TNR: variants seen among roughly 807,000 people sequenced by gnomAD.
The protein encoded by TNR is tenascin R, also known as tenascin-R.
In TNR, 45 loss-of-function variants were observed where a neutral mutation model predicts 150.4. The observed-to-expected ratio is 0.30, with a 90% CI of 0.24 to 0.38. The LOEUF (loss-of-function observed/expected upper bound fraction) is 0.38, where lower values mean the gene tolerates loss of function less well. Ranked by LOEUF, TNR falls within the 10% of genes least tolerant of loss-of-function variation. The pLI, the probability that TNR is intolerant of heterozygous loss-of-function variation, is 1.00. For missense variants in TNR, 1,544 were observed against 1,759.1 expected, an observed-to-expected ratio of 0.88 and a Z score of 2.19; for synonymous variants, 687 against 678.4, an observed-to-expected ratio of 1.01 and a Z score of -0.20.
chr1:175,483,919 G>T (rs919974243), intron 2 of TNR, among the ~76,000 whole-genome samples: 2 of 152,144 alleles, frequency 1.3e-5, no homozygotes, highest in African/African-American at 4.8e-5. Flanking sequence ...ACTGTCTTGG[G>T]ACTCTTCTGC....
intron 20 of TNR, chr1:175,333,530 A>G (rs1408665006): frequency 6.6e-6 from 1 of 152,216 alleles, no homozygotes. Context: ...TTTATTGTCT[A>G]TATCAGCAAA....
intron 1 of TNR, among the ~76,000 whole-genome samples, chr1:175,678,422 C>G (rs1665931394): frequency 6.6e-6 from 1 of 152,208 alleles, no homozygotes; most frequent in Non-Finnish European, 1.5e-5. Flanking sequence ...AAAACCACCA[C>G]TTTATCTCAT....
At chr1:175,439,226 C>A (rs1449430768) in intron 2 of TNR, among the ~76,000 whole-genome samples, 1 of 151,650 alleles carries the variant, frequency 6.6e-6, no homozygotes, top group Non-Finnish European at 1.5e-5. Context: ...TGCCGCATAT[C>A]TACAACTATC....
chr1:175,506,783 G>A (rs768847889), intron 2 of TNR, among the ~76,000 whole-genome samples: 1 of 152,226 alleles, frequency 6.6e-6, no homozygotes, highest in Non-Finnish European at 1.5e-5. Flanking sequence ...CAACAATGAG[G>A]CAGGGAATAG....
intron 1 of TNR, among the ~76,000 whole-genome samples, chr1:175,701,999 T>A (rs1168044004): frequency 1.3e-5 from 2 of 152,230 alleles, no homozygotes; most frequent in Admixed American, 1.3e-4. Flanking sequence ...TGTAACACAA[T>A]AGATGCTGAA....
Position 175,379,726 on chromosome 1 carries a change from G to C in TNR, c.1789C>G (p.Pro597Ala), listed in dbSNP as rs560304594. The change falls in exon 9 of 23, where the codon CCC (proline) becomes GCC (alanine). Residue 597 changes from proline to alanine, a missense_variant. Coordinates refer to ENST00000367674, the MANE Select transcript of TNR (RefSeq NM_003285.3). ...TTQFTTEIDAPKNLRVGSRTA... is the reference protein window; with the variant it reads ...TTQFTTEIDAAKNLRVGSRTA... ...CGAGAACCAACTCGCAAGTTCTTGG[G>C]GGCATCGATCTCTAAAAATAGACAG... 1.9e-6 allele frequency: 3 copies of C among 1,613,972 alleles called. No homozygotes were observed. Among genetic ancestry groups the C allele is most frequent in the African/African-American group, 2.7e-5 (2 of 74,896 alleles).
chr1:175,343,987 G>A (rs142659332), intron 18 of TNR, among the ~76,000 whole-genome samples: 18 of 152,306 alleles, frequency 1.2e-4, no homozygotes, highest in Non-Finnish European at 2.5e-4. Flanking sequence ...AAGTAACACA[G>A]GAATGAAACG....
rs947473021 is a variant in TNR, at chr1:175,420,019, C to T, written c.-63-13242G>A. ...GTGGTGTGGAGGAGAGTCAGGCCCT[C>T]GCTGCCTCCCTGGGAGGCTGCCTCG... On this transcript the variant is annotated intron_variant, in intron 2 of 22. Coordinates refer to ENST00000367674, the MANE Select transcript of TNR (RefSeq NM_003285.3). Among the ~76,000 whole-genome samples the T allele has an allele frequency of 3.3e-5, 5 of 152,316 alleles. No homozygotes were observed. The East Asian group carries it at 7.7e-4, about 24-fold the overall frequency.
intron 2 of TNR, among the ~76,000 whole-genome samples, chr1:175,410,850 A>G (rs1327272935): frequency 6.6e-6 from 1 of 152,218 alleles, no homozygotes; most frequent in Non-Finnish European, 1.5e-5. Context: ...AGAACATGTC[A>G]TGTGAGAAAT....
Position 175,708,732 on chromosome 1 carries a change from C to T in TNR, c.-165+34494G>A, listed in dbSNP as rs148279483. Among the ~76,000 whole-genome samples the T allele has an allele frequency of 2.1e-3, 320 of 152,266 alleles. 2 individuals carry two copies. The highest frequency in any genetic ancestry group is 7.3e-3 in the African/African-American group (304 of 41,550). On this transcript the variant is annotated intron_variant, in intron 1 of 22. Coordinates refer to ENST00000367674, the MANE Select transcript of TNR (RefSeq NM_003285.3). The stretch of plus-strand genomic sequence containing the variant: ...GTGAGATGATACAGGGAACACACTT[C>T]GGGCCTTAAGAAGGAAATCTTACAG...
intron 1 of TNR, among the ~76,000 whole-genome samples, chr1:175,700,850 T>G (rs1339648945): frequency 6.6e-6 from 1 of 152,236 alleles, no homozygotes; most frequent in Non-Finnish European, 1.5e-5. Flanking sequence ...TCCTGCATTT[T>G]CTACTCATTG....
intron 18 of TNR, among the ~76,000 whole-genome samples, chr1:175,352,146 G>A (rs1196203820): frequency 6.6e-6 from 1 of 152,212 alleles, no homozygotes; most frequent in Non-Finnish European, 1.5e-5. Context: ...GCATCTAAGA[G>A]AGGGCAGTGA....
intron 1 of TNR, among the ~76,000 whole-genome samples, chr1:175,735,973 A>C (rs539206722): frequency 6.6e-6 from 1 of 152,356 alleles, no homozygotes; most frequent in East Asian, 1.9e-4. Context: ...AATAGCCAAC[A>C]CATGCTTCTA....
intron 1 of TNR, among the ~76,000 whole-genome samples, chr1:175,558,923 T>C (rs969836962): frequency 1.3e-5 from 2 of 152,160 alleles, no homozygotes; most frequent in African/African-American, 4.8e-5. Context: ...GCAAACTGTA[T>C]AATAATGATG....
At chr1:175,700,679 G>A (rs80123086) in intron 1 of TNR, among the ~76,000 whole-genome samples, 8,308 of 152,230 alleles carry the variant, frequency 0.055, 313 homozygotes, top group East Asian at 0.17. Flanking sequence ...GAGGATGAGG[G>A]CACAGTGTTC....
intron 1 of TNR, among the ~76,000 whole-genome samples, chr1:175,592,927 T>C (rs1445299369): frequency 6.6e-6 from 1 of 152,256 alleles, no homozygotes. Context: ...CTGGTTTTTC[T>C]GGGACTTCTG....
intron 1 of TNR, among the ~76,000 whole-genome samples, chr1:175,697,385 A>T (rs549166168): frequency 5.2e-4 from 79 of 151,168 alleles, no homozygotes; most frequent in Middle Eastern, 6.8e-3. Context: ...CTCCTGACAG[A>T]CTCAATTCTC....
intron 1 of TNR, among the ~76,000 whole-genome samples, chr1:175,548,929 A>G (rs1255777034): frequency 6.6e-6 from 1 of 152,166 alleles, no homozygotes; most frequent in Non-Finnish European, 1.5e-5. Flanking sequence ...ACTGAATACA[A>G]CAACTAGCAC....
At chr1:175,616,539 A>C (rs1046688081) in intron 1 of TNR, among the ~76,000 whole-genome samples, 49 of 152,296 alleles carry the variant, frequency 3.2e-4, no homozygotes, top group Non-Finnish European at 5.9e-5. Flanking sequence ...GGATGGGGGC[A>C]GAGGAAACAA....
Sources: allele counts gnomAD v4.1 joint callset (sites outside exome capture counted in the v4.1 genomes callset), GRCh38; gene constraint gnomAD v4.1.1; transcripts MANE v1.5; gene names NCBI Gene and HGNC (gene_info 2026-07-23, HGNC 2026-07-21).